Variants in RIMS2 observed in about 807,000 individuals in gnomAD.
RIMS2 encodes regulating synaptic membrane exocytosis protein 2.
RIMS2 carries 59 observed loss-of-function variants against 174.4 expected under a neutral mutation model. The ratio of observed to expected loss-of-function variants is 0.34; its 90% CI spans 0.27 to 0.42. The LOEUF (loss-of-function observed/expected upper bound fraction) is 0.42. Among genes scored for constraint, RIMS2 ranks in the 10% least tolerant of loss-of-function variants. The pLI, the probability that RIMS2 is intolerant of heterozygous loss-of-function variation, is 1.00. For missense variants in RIMS2, 1,620 were observed against 1,666.3 expected (o/e 0.97, Z 0.48); for synonymous variants, 606 against 572.5 (o/e 1.06, Z -0.84).
chr8:103,805,268 G>T (rs2098642627), intron 3 of RIMS2, among the ~76,000 whole-genome samples: 1 of 152,096 alleles, frequency 6.6e-6, no homozygotes, highest in South Asian at 2.1e-4. Flanking sequence ...TCTCAAGATA[G>T]CTCAATATAT....
chr8:104,227,053 A>G (rs886426839), intron 19 of RIMS2, among the ~76,000 whole-genome samples: 19 of 152,184 alleles, frequency 1.2e-4, no homozygotes, highest in Admixed American at 1.2e-3. Context: ...CATTTTACAC[A>G]TATGAAAACC....
At chr8:104,141,852 A>C (rs961259766) in intron 19 of RIMS2, among the ~76,000 whole-genome samples, 1 of 152,160 alleles carries the variant, frequency 6.6e-6, no homozygotes, top group Non-Finnish European at 1.5e-5. Context: ...CTTCCTTGAC[A>C]ACCTTATTTA....
chr8:103,546,774 G>A (rs1845318369), intron 1 of RIMS2, among the ~76,000 whole-genome samples: 1 of 152,136 alleles, frequency 6.6e-6, no homozygotes, highest in Non-Finnish European at 1.5e-5. Flanking sequence ...CAGGGGTGCT[G>A]GCTGTTCTCC....
intron 17 of RIMS2, among the ~76,000 whole-genome samples, chr8:104,003,022 A>AAATGTCTTTTTATAATAAAG (rs1451702365): frequency 2.0e-5 from 3 of 152,152 alleles, no homozygotes; most frequent in Non-Finnish European, 2.9e-5. Context: ...ACCCTTTATT[A>AAATGTCTTTTTATAATAAAG]ATATCTCTTT....
chr8:103,667,919 G>T (rs766387073), intron 1 of RIMS2, among the ~76,000 whole-genome samples: 10 of 152,172 alleles, frequency 6.6e-5, no homozygotes, highest in Non-Finnish European at 1.2e-4. Context: ...TTGCAGTGTG[G>T]GTGGCAGGGG....
chr8:103,842,357 A>G (rs2098945128), intron 3 of RIMS2, among the ~76,000 whole-genome samples: 1 of 152,194 alleles, frequency 6.6e-6, no homozygotes, highest in African/African-American at 2.4e-5. Context: ...AAATGTTAAC[A>G]GCAATTGCTT....
At chr8:103,924,880 C>T (rs1207248487) in intron 10 of RIMS2, among the ~76,000 whole-genome samples, 2 of 151,408 alleles carry the variant, frequency 1.3e-5, no homozygotes, top group African/African-American at 4.8e-5. Flanking sequence ...TATTCTAGAG[C>T]ATAACAGTGA....
At chr8:104,057,765 G>A (rs2096898713) in intron 19 of RIMS2, among the ~76,000 whole-genome samples, 1 of 125,050 alleles carries the variant, frequency 8.0e-6, no homozygotes, top group African/African-American at 3.2e-5. Context: ...TCCCCTTCCT[G>A]TGTCCATGTG....
At chr8:103,750,845 C>G (rs115336736) in intron 2 of RIMS2, among the ~76,000 whole-genome samples, 1 of 151,984 alleles carries the variant, frequency 6.6e-6, no homozygotes, top group Non-Finnish European at 1.5e-5. Flanking sequence ...AACCACTTGT[C>G]TTTATAAATT....
At chr8:103,602,128 G>T (rs959138723) in intron 1 of RIMS2, among the ~76,000 whole-genome samples, 3 of 152,070 alleles carry the variant, frequency 2.0e-5, no homozygotes, top group Non-Finnish European at 4.4e-5. Context: ...TGGGACTACA[G>T]GTGCATGCCA....
chr8:103,776,789 A>G (rs1284162597), intron 3 of RIMS2, among the ~76,000 whole-genome samples: 1 of 152,140 alleles, frequency 6.6e-6, no homozygotes, highest in African/African-American at 2.4e-5. Context: ...AAGAAAACCC[A>G]ACGATGACAA....
At chr8:103,503,713 G>A (rs1821803778) in intron 1 of RIMS2, among the ~76,000 whole-genome samples, 1 of 151,940 alleles carries the variant, frequency 6.6e-6, no homozygotes, top group Non-Finnish European at 1.5e-5. Context: ...GAGTTTCAAT[G>A]TTCATATTAA....
rs59348302 is a variant in RIMS2 at position 103,734,014 on chromosome 8, CTTTTTTTTTTTT to C, written c.388-32199_388-32188del. On this transcript the variant is annotated intron_variant, in intron 2 of 23. Coordinates refer to ENST00000504942, the Ensembl canonical transcript of RIMS2. ...CTTGCTTTACCTCTCCTAAAAGCTT[CTTTTTTTTTTTT>C]TTTTTTTTTTTTTCCCAGACGGAGT... is the stretch of plus-strand genomic sequence containing the variant. Among the ~76,000 whole-genome samples the C allele has an allele frequency of 2.3e-3, 193 of 85,754 alleles. 1 individual carries two copies. The South Asian group carries it at 0.023, about 10-fold the overall frequency. 56.3% of individuals were successfully genotyped at this position (85,754 alleles called of 152,430 possible).
chr8:103,615,554 A>G (rs1330504045), intron 1 of RIMS2, among the ~76,000 whole-genome samples: 2 of 149,060 alleles, frequency 1.3e-5, no homozygotes, highest in African/African-American at 2.5e-5. Flanking sequence ...AAGAAAAGCA[A>G]GAGACAAAAA....
At chr8:104,169,768 G>A (rs2098821486) in intron 19 of RIMS2, among the ~76,000 whole-genome samples, 1 of 151,822 alleles carries the variant, frequency 6.6e-6, no homozygotes, top group Admixed American at 6.6e-5. Flanking sequence ...GTGACATTAG[G>A]TTGTCTATTT....
At chr8:103,709,283 C>G (rs930372037) in intron 2 of RIMS2, among the ~76,000 whole-genome samples, 5 of 149,902 alleles carry the variant, frequency 3.3e-5, no homozygotes, top group Admixed American at 1.3e-4. Context: ...TTTGCTAATT[C>G]TAACCCCCCT....
At chr8:104,017,615 T>C (rs1040260985) in intron 19 of RIMS2, among the ~76,000 whole-genome samples, 5 of 140,440 alleles carry the variant, frequency 3.6e-5, no homozygotes, top group African/African-American at 1.3e-4. Context: ...CAAGTTTATA[T>C]ATAAAGTATT....
intron 3 of RIMS2, among the ~76,000 whole-genome samples, chr8:103,803,473 A>G (rs1476784553): frequency 6.6e-6 from 1 of 152,204 alleles, no homozygotes; most frequent in African/African-American, 2.4e-5. Context: ...GAAATAACTG[A>G]TAAAAAAATT....
intron 13 of RIMS2, among the ~76,000 whole-genome samples, chr8:103,941,739 TC>T (rs1331075001): frequency 6.6e-6 from 1 of 152,176 alleles, no homozygotes; most frequent in East Asian, 1.9e-4. Context: ...CTTGTTTTTT[TC>T]TTTTCTTGTT....
Sources: allele counts gnomAD v4.1 joint callset (sites outside exome capture counted in the v4.1 genomes callset), GRCh38; gene constraint gnomAD v4.1.1; transcripts MANE v1.5; gene names NCBI Gene and HGNC (gene_info 2026-07-23, HGNC 2026-07-21).